The following CYRIB variants were observed in gnomAD, a reference collection of about 807,000 sequenced individuals.
CYRIB encodes the protein CYFIP-related Rac1 interactor B.
A neutral mutation model predicts 44.2 loss-of-function variants in CYRIB; 8 were observed. The ratio of observed to expected loss-of-function variants is 0.18; its 90% CI spans 0.11 to 0.33. The LOEUF is 0.33. Ranked by LOEUF, CYRIB falls within the 10% of genes least tolerant of loss-of-function variation. CYRIB has a pLI of 1.00. For missense variants in CYRIB, 185 were observed against 382.8 expected (o/e 0.48, Z 4.31); for synonymous variants, 131 against 127.2 (o/e 1.03, Z -0.20).
intron 7 of CYRIB, among the ~76,000 whole-genome samples, chr8:129,853,751 G>A (rs1361387785): frequency 1.3e-5 from 2 of 152,222 alleles, no homozygotes; most frequent in Non-Finnish European, 2.9e-5. Flanking sequence ...CCAAGGAGCA[G>A]GCACAAAGCC....
intron 3 of CYRIB, among the ~76,000 whole-genome samples, chr8:129,872,631 C>T (rs2057724624): frequency 1.3e-5 from 2 of 152,020 alleles, no homozygotes; most frequent in South Asian, 4.1e-4. Context: ...TTATGATTAT[C>T]ATATTTTAGA....
chr8:129,991,771 G>A (rs1200671126), intron 1 of CYRIB, among the ~76,000 whole-genome samples: 1 of 151,070 alleles, frequency 6.6e-6, no homozygotes, highest in Admixed American at 6.6e-5. Context: ...CCAACATGGT[G>A]AAACCTTGTC....
intron 1 of CYRIB, among the ~76,000 whole-genome samples, chr8:129,915,069 T>C (rs937274043): frequency 6.6e-6 from 1 of 152,242 alleles, no homozygotes; most frequent in Non-Finnish European, 1.5e-5. Flanking sequence ...TGAATTCCTA[T>C]ACACTTGTGC....
At chr8:129,972,330 G>A (rs1231252958) in intron 1 of CYRIB, among the ~76,000 whole-genome samples, 1 of 152,168 alleles carries the variant, frequency 6.6e-6, no homozygotes, top group African/African-American at 2.4e-5. Flanking sequence ...CAGGCACGGT[G>A]GCTCACCCGT....
At position 129,894,544 on chromosome 8, in the gene CYRIB, C is replaced by G. The variant is rs188547070; in HGVS notation, c.-11+8768G>C. On this transcript the variant is annotated intron_variant, in intron 2 of 11. Transcript: ENST00000519824. ...GACATTTCCCAGACATCTTTGCCAG[C>G]TGGGTTCCTGTTAGGAGGAACTGGA... The G allele has an allele frequency of 2.6e-5, 4 of 152,310 alleles. No individual in the cohort carries two copies. In the East Asian group the frequency reaches 7.7e-4, roughly 29 times the overall value. 9.4% of individuals were successfully genotyped at this position (152,310 alleles called of 1,614,324 possible).
intron 1 of CYRIB, among the ~76,000 whole-genome samples, chr8:129,922,959 G>T (rs2084661383): frequency 6.6e-6 from 1 of 151,658 alleles, no homozygotes; most frequent in Non-Finnish European, 1.5e-5. Flanking sequence ...GCCGGGCGCG[G>T]TGGCTCACTC....
intron 1 of CYRIB, among the ~76,000 whole-genome samples, chr8:129,996,690 C>A (rs1263724028): frequency 6.6e-6 from 1 of 152,158 alleles, no homozygotes; most frequent in African/African-American, 2.4e-5. Context: ...TCCAAACCAA[C>A]TCTCTACATC....
intron 1 of CYRIB, among the ~76,000 whole-genome samples, chr8:130,002,116 T>C (rs753213524): frequency 6.6e-6 from 1 of 152,178 alleles, no homozygotes. Context: ...TCATCTAAAC[T>C]TTGGTTTTCT....
rs150048403 is a variant in CYRIB, at chr8:129,894,916, T to C, written c.-11+8396A>G. Among the ~76,000 whole-genome samples the C allele has an allele frequency of 2.8e-4, 42 of 149,328 alleles. No homozygotes were observed. The East Asian group carries it at 7.8e-3, about 28-fold the overall frequency. ...TTTTTCAAACTGAGTGTTAGAAATA[T>C]ATATATATATATATTTTTTTAATTA... On this transcript the variant is annotated intron_variant, in intron 2 of 11. Coordinates refer to ENST00000519824, the Ensembl canonical transcript of CYRIB.
chr8:129,872,473 T>C (rs1191421578), intron 3 of CYRIB, among the ~76,000 whole-genome samples: 2 of 152,124 alleles, frequency 1.3e-5, no homozygotes, highest in Non-Finnish European at 2.9e-5. Context: ...TTAATAATAC[T>C]GGTCATTTGT....
intron 1 of CYRIB, among the ~76,000 whole-genome samples, chr8:129,983,286 A>G (rs2096314342): frequency 1.3e-5 from 2 of 152,092 alleles, no homozygotes; most frequent in Admixed American, 1.3e-4. Flanking sequence ...TCTACTAAAA[A>G]TACAAAAAAT....
intron 4 of CYRIB, among the ~76,000 whole-genome samples, chr8:129,869,402 A>C (rs936167463): frequency 1.3e-5 from 2 of 151,578 alleles, no homozygotes; most frequent in African/African-American, 4.9e-5. Context: ...AAAAAAAAAA[A>C]AATCAAACAG....
At chr8:129,942,612 T>C (rs1188336726), upstream of CYRIB, among the ~76,000 whole-genome samples, 9 of 152,204 alleles carry the variant, frequency 5.9e-5, no homozygotes, top group Non-Finnish European at 1.3e-4. Flanking sequence ...GGGCAAAGCT[T>C]TCAAAGACTT....
intron 2 of CYRIB, among the ~76,000 whole-genome samples, chr8:129,885,112 T>C (rs1564617773): frequency 6.6e-6 from 1 of 152,266 alleles, no homozygotes; most frequent in Non-Finnish European, 1.5e-5. Flanking sequence ...TCCTAAGAGA[T>C]GCTGTTACTT....
chr8:129,904,892 A>G (rs773888195), intron 1 of CYRIB, among the ~76,000 whole-genome samples: 10 of 152,242 alleles, frequency 6.6e-5, no homozygotes, highest in Non-Finnish European at 8.8e-5. Flanking sequence ...TGGCTGGCTG[A>G]GGCCACCTTA....
chr8:129,905,593 C>G (rs963800669), intron 1 of CYRIB, among the ~76,000 whole-genome samples: 1 of 152,188 alleles, frequency 6.6e-6, no homozygotes, highest in Non-Finnish European at 1.5e-5. Context: ...ATCAATATTA[C>G]TAGAAGTGAA....
intron 2 of CYRIB, among the ~76,000 whole-genome samples, chr8:129,882,728 A>G (rs1348125966): frequency 6.6e-6 from 1 of 152,114 alleles, no homozygotes; most frequent in African/African-American, 2.4e-5. Flanking sequence ...CTCGTTCTGT[A>G]AACTTCTTCC....
At chr8:129,884,980 T>TA (rs2062178851) in intron 2 of CYRIB, among the ~76,000 whole-genome samples, 1 of 152,228 alleles carries the variant, frequency 6.6e-6, no homozygotes, top group South Asian at 2.1e-4. Context: ...AAAAGGCACT[T>TA]AAATACATTA....
intron 1 of CYRIB, among the ~76,000 whole-genome samples, chr8:129,999,672 G>A (rs769242044): frequency 2.0e-5 from 3 of 152,248 alleles, no homozygotes; most frequent in Non-Finnish European, 4.4e-5. Context: ...CTGTTGCCCA[G>A]GATGGAGTGC....
Sources: gnomAD v4.1 joint callset for allele counts (sites outside exome capture counted in the v4.1 genomes callset) on GRCh38, gnomAD v4.1.1 for gene constraint, MANE v1.5 for transcripts, NCBI Gene and HGNC (gene_info 2026-07-23, HGNC 2026-07-21) for gene names.